HTR1F: variants seen among roughly 807,000 people sequenced by gnomAD.
HTR1F encodes the protein 5-hydroxytryptamine receptor 1F, also known as 5-hydroxytryptamine (serotonin) receptor 1F, G protein-coupled.
In HTR1F, 17 loss-of-function variants were observed where a neutral mutation model predicts 24.0. The observed-to-expected ratio is 0.71, with a 90% CI of 0.48 to 1.06. The LOEUF is 1.06. HTR1F is among the 50% of genes least tolerant of loss of function. HTR1F has a pLI of 0.00. For synonymous variants in HTR1F, 186 were observed against 156.8 expected (o/e 1.19, Z -1.39); for missense variants, 391 against 427.8 (o/e 0.91, Z 0.76).
chr3:87,869,386 CAAACAGATAGATAGAT>C (rs377560566), intron 2 of HTR1F, among the ~76,000 whole-genome samples: 14 of 137,392 alleles, frequency 1.0e-4, no homozygotes, highest in East Asian at 2.1e-4. Context: ...GATAGATAGA[CAAACAGATAGATAGAT>C]AGATAGATAG....
chr3:87,870,793 G>A (rs1705536595), intron 2 of HTR1F, among the ~76,000 whole-genome samples: 1 of 152,038 alleles, frequency 6.6e-6, no homozygotes, highest in Admixed American at 6.6e-5. Flanking sequence ...GTTATTACAA[G>A]ATTCTGAAAA....
chr3:87,859,603 C>G (rs1177300994), intron 2 of HTR1F, among the ~76,000 whole-genome samples: 1 of 152,210 alleles, frequency 6.6e-6, no homozygotes, highest in Admixed American at 6.5e-5. Flanking sequence ...GCTCAATGAA[C>G]TTAAAAAGCT....
intron 2 of HTR1F, among the ~76,000 whole-genome samples, chr3:87,866,869 T>C (rs1340683178): frequency 1.3e-5 from 2 of 150,304 alleles, no homozygotes; most frequent in African/African-American, 2.5e-5. Context: ...CAGGGAGCAG[T>C]TGTTAAGGTG....
At chr3:87,943,611 A>G (rs574199703) in intron 2 of HTR1F, among the ~76,000 whole-genome samples, 1 of 152,134 alleles carries the variant, frequency 6.6e-6, no homozygotes, top group East Asian at 1.9e-4. Flanking sequence ...AGGGAGGTAG[A>G]CTCTGAGGGC....
intron 2 of HTR1F, among the ~76,000 whole-genome samples, chr3:87,868,543 G>A (rs993456443): frequency 6.6e-6 from 1 of 151,320 alleles, no homozygotes; most frequent in Middle Eastern, 3.2e-3. Context: ...TCTGTTTTTA[G>A]GTAAAATATT....
chr3:87,852,196 C>G (rs1490620018), intron 2 of HTR1F, among the ~76,000 whole-genome samples: 4 of 151,318 alleles, frequency 2.6e-5, no homozygotes, highest in Non-Finnish European at 4.4e-5. Flanking sequence ...GTTTTTTGCC[C>G]AAGTTTTCAT....
chr3:87,807,848 A>G (rs1386284114), intron 1 of HTR1F, among the ~76,000 whole-genome samples: 1 of 151,916 alleles, frequency 6.6e-6, no homozygotes, highest in Non-Finnish European at 1.5e-5. Context: ...GAATTTTATT[A>G]AATGCTTCTT....
chr3:87,856,876 C>T (rs574279947), intron 2 of HTR1F, among the ~76,000 whole-genome samples: 4 of 152,172 alleles, frequency 2.6e-5, no homozygotes, highest in Admixed American at 6.6e-5. Flanking sequence ...TGTAGAGCCC[C>T]ACATTAAATG....
At chr3:87,865,124 C>A (rs1705398950) in intron 2 of HTR1F, among the ~76,000 whole-genome samples, 1 of 152,008 alleles carries the variant, frequency 6.6e-6, no homozygotes, top group Non-Finnish European at 1.5e-5. Context: ...CATACAGAAG[C>A]CTTGATATTC....
chr3:87,944,282 A>G (rs1408087942), intron 2 of HTR1F, among the ~76,000 whole-genome samples: 2 of 152,206 alleles, frequency 1.3e-5, no homozygotes, highest in Non-Finnish European at 2.9e-5. Flanking sequence ...AACAGTTCTT[A>G]TGCAAATTCA....
intron 2 of HTR1F, among the ~76,000 whole-genome samples, chr3:87,862,065 C>A (rs1575958346): frequency 1.3e-5 from 2 of 152,144 alleles, no homozygotes; most frequent in East Asian, 3.9e-4. Context: ...GGAAAAATAA[C>A]CTCTTATATT....
At chr3:87,802,093 TCCTC>T (rs201369952) in intron 1 of HTR1F, among the ~76,000 whole-genome samples, 16,780 of 66,670 alleles carry the variant, frequency 0.25, 2,616 homozygotes, top group African/African-American at 0.37. Context: ...CCTCCCTCCC[TCCTC>T]CCTCCCTCCC....
intron 2 of HTR1F, among the ~76,000 whole-genome samples, chr3:87,903,183 CCTAGGCATTACCATT>C (rs1419529075): frequency 6.6e-6 from 1 of 151,780 alleles, no homozygotes; most frequent in African/African-American, 2.4e-5. Flanking sequence ...TAGAAGAAAA[CCTAGGCATTACCATT>C]CAGGACATAG....
intron 1 of HTR1F, among the ~76,000 whole-genome samples, chr3:87,805,191 T>C (rs1704053567): frequency 6.6e-6 from 1 of 152,022 alleles, no homozygotes. Flanking sequence ...TGTTAACAAC[T>C]TGTAGAGCAA....
chr3:87,965,235 T>C (rs753941508), intron 2 of HTR1F, among the ~76,000 whole-genome samples: 1 of 152,194 alleles, frequency 6.6e-6, no homozygotes, highest in Non-Finnish European at 1.5e-5. Context: ...GTCATGCCCT[T>C]CATAAACCCA....
At chr3:87,926,475 C>T (rs907523987) in intron 2 of HTR1F, among the ~76,000 whole-genome samples, 1 of 152,126 alleles carries the variant, frequency 6.6e-6, no homozygotes, top group Non-Finnish European at 1.5e-5. Context: ...ATTTACATGT[C>T]CCCTAATCTG....
chr3:87,911,079 CA>C (rs931516345), intron 2 of HTR1F, among the ~76,000 whole-genome samples: 6 of 151,568 alleles, frequency 4.0e-5, no homozygotes, highest in African/African-American at 9.7e-5. Flanking sequence ...GAAGCAAAAG[CA>C]AACCAAAAAG....
At chr3:87,915,945 A>G (rs1321123291) in intron 2 of HTR1F, among the ~76,000 whole-genome samples, 1 of 152,166 alleles carries the variant, frequency 6.6e-6, no homozygotes, top group African/African-American at 2.4e-5. Context: ...GCATCTTAAG[A>G]GCTGTGAGAC....
intron 2 of HTR1F, among the ~76,000 whole-genome samples, chr3:87,929,013 G>C (rs1288042995): frequency 6.6e-6 from 1 of 152,134 alleles, no homozygotes; most frequent in Non-Finnish European, 1.5e-5. Context: ...GGAGAAATGA[G>C]ACATTTTTCT....
Sources: gnomAD v4.1 joint callset for allele counts (sites outside exome capture counted in the v4.1 genomes callset) on GRCh38, gnomAD v4.1.1 for gene constraint, MANE v1.5 for transcripts, NCBI Gene and HGNC (gene_info 2026-07-23, HGNC 2026-07-21) for gene names.